Variants in TTC21A observed in about 807,000 individuals in gnomAD.
TTC21A encodes the protein tetratricopeptide repeat protein 21A.
Under a neutral mutation model 156.4 loss-of-function variants are expected in TTC21A, and 128 were observed. The ratio of observed to expected loss-of-function variants is 0.82; its 90% CI spans 0.71 to 0.95. The LOEUF is 0.95. Ranked by LOEUF, TTC21A falls within the 40% of genes least tolerant of loss-of-function variation. The pLI is 0.00. For missense variants in TTC21A, 1,435 were observed against 1,602.3 expected (o/e 0.90, Z 1.78); for synonymous variants, 587 against 617.1 (o/e 0.95, Z 0.72).
chr3:39,136,672 CAGGG>C, intron 23 of TTC21A, 165 bp downstream of exon 23: 2 of 1,008,740 alleles, frequency 2.0e-6, no homozygotes, highest in Non-Finnish European at 2.8e-6. Context: ...CTGTGGAAGT[CAGGG>C]AGAGCCTGCA....
chr3:39,136,021 G>T lies in TTC21A; in HGVS notation c.2945-336G>T, dbSNP rs1213038071. Among the ~76,000 whole-genome samples the T allele has an allele frequency of 2.0e-5, 3 of 150,466 alleles. No homozygotes were observed. The East Asian group carries it at 5.9e-4, about 30-fold the overall frequency. Reference sequence around the variant, plus strand: ...TGCAGTGAGCCGAGATCACGCCACTGCACTCCAGCCTGGGTGACAGGGCGA... The same window carrying T: ...TGCAGTGAGCCGAGATCACGCCACTTCACTCCAGCCTGGGTGACAGGGCGA... On this transcript the variant is annotated intron_variant, in intron 22 of 28. Coordinates refer to ENST00000683103, the MANE Select transcript of TTC21A (RefSeq NM_001366900.1).
intron 3 of TTC21A, among the ~76,000 whole-genome samples, chr3:39,110,526 T>A (rs1424902529): frequency 7.7e-6 from 1 of 129,396 alleles, no homozygotes; most frequent in East Asian, 2.0e-4. Context: ...GACTACTATT[T>A]CCCTACTCAC....
At chr3:39,120,510 C>T (rs1161044138) in intron 8 of TTC21A, among the ~76,000 whole-genome samples, 1 of 152,172 alleles carries the variant, frequency 6.6e-6, no homozygotes, top group African/African-American at 2.4e-5. Flanking sequence ...AGCCCCAAAG[C>T]AAGATTTACT....
rs199791048 is a variant in TTC21A, at chr3:39,121,178, C to G, written c.1082C>G (p.Ala361Gly). ...EAMKLDKDGM[A>G]GLTGIILCHI... ...ATGAAACTGGACAAGGATGGCATGGCTGGTTTGACAGGTATATGCAGGTGT... is the reference window on the plus strand; with the variant it reads ...ATGAAACTGGACAAGGATGGCATGGGTGGTTTGACAGGTATATGCAGGTGT... The change falls in exon 9 of 29, where the codon GCT becomes GGT. Residue 361 changes from alanine (A) to glycine (G), a missense_variant. Coordinates refer to ENST00000683103, the MANE Select transcript of TTC21A (RefSeq NM_001366900.1). 2 of 1,612,394 alleles carry G rather than the reference C, an allele frequency of 1.2e-6. No individual in the cohort carries two copies. Among genetic ancestry groups the G allele is most frequent in the African/African-American group, 2.7e-5 (2 of 74,912 alleles).
rs374763927 is a variant in TTC21A, at chr3:39,109,126, T to C, written c.69T>C (p.His23=). Residue 23 remains histidine (H), a synonymous_variant, in exon 2 of 29, where the codon CAT becomes CAC. Transcript: ENST00000683103. ...ATAGCCAGGAAAAGTACTTCCACCA[T>C]GTGCAGCAGGCTGCAGCTGTGGGCC... ...IYYSQEKYFH[H]VQQAAAVGLE... The C allele has an allele frequency of 8.7e-5, 141 of 1,614,146 alleles. 2 individuals are homozygous for C. The South Asian group carries it at 9.9e-4, about 11-fold the overall frequency.
At chr3:39,112,386 T>C in intron 4 of TTC21A, 72 bp from the exon 5 acceptor site, 1 of 1,551,288 alleles carries the variant, frequency 6.4e-7, no homozygotes, top group Middle Eastern at 1.7e-4. Context: ...TGGCAAAGTG[T>C]GGATCATGTG....
At chr3:39,129,379 T>C in intron 15 of TTC21A, 69 bp downstream of exon 15, 1 of 1,209,866 alleles carries the variant, frequency 8.3e-7, no homozygotes, top group Non-Finnish European at 1.2e-6. Context: ...TTCCTTCAGA[T>C]GGTATTTCTT....
In TTC21A at chr3:39,107,831, G is replaced by C; in HGVS notation, c.-7G>C. 2 of 1,612,694 alleles carry C rather than the reference G, an allele frequency of 1.2e-6. No individual in the cohort carries two copies. Among genetic ancestry groups the C allele is most frequent in the African/African-American group, 1.3e-5 (1 of 75,040 alleles). On this transcript the variant is annotated 5_prime_UTR_variant, in exon 1 of 29. Coordinates refer to ENST00000683103, the MANE Select transcript of TTC21A (RefSeq NM_001366900.1). ...AGACCCGGACTCGGAGCCGCGAGCG[G>C]CCCGAGATGAGCAGCAATGACTCCT...
At chr3:39,108,534 T>A (rs2036470426) in intron 1 of TTC21A, among the ~76,000 whole-genome samples, 1 of 152,166 alleles carries the variant, frequency 6.6e-6, no homozygotes. Context: ...GTGTCTGGGC[T>A]CTTTCATATG....
chr3:39,116,194 G>A (rs955696233), intron 6 of TTC21A, among the ~76,000 whole-genome samples: 3 of 152,262 alleles, frequency 2.0e-5, no homozygotes, highest in African/African-American at 4.8e-5. Flanking sequence ...GTGCCCCAGC[G>A]TGTTCCCTCA....
chr3:39,121,586 C>A (rs1292677440), intron 9 of TTC21A, among the ~76,000 whole-genome samples: 1 of 152,238 alleles, frequency 6.6e-6, no homozygotes, highest in Non-Finnish European at 1.5e-5. Flanking sequence ...TCCTTCAGGG[C>A]TCTGAGCTGA....
At chr3:39,126,474 C>T (rs1218336393) in intron 12 of TTC21A, 84 bp downstream of exon 12, 4 of 815,488 alleles carry the variant, frequency 4.9e-6, no homozygotes, top group South Asian at 1.5e-5. Context: ...GCCTAGGATA[C>T]TACACACACA....
chr3:39,133,704 C>T lies in TTC21A; in HGVS notation c.2751+464C>T, dbSNP rs142642063. Among the ~76,000 whole-genome samples, 53 of 152,208 alleles carry T rather than the reference C, an allele frequency of 3.5e-4. 1 individual carries two copies. The East Asian group carries it at 5.8e-3, about 17-fold the overall frequency. ...CACAGTAGATGAAGAGCTTAGTGAC[C>T]GATACATTCATTCATTTAATACTCA... On this transcript the variant is annotated intron_variant, in intron 20 of 28. Coordinates refer to ENST00000683103, the MANE Select transcript of TTC21A (RefSeq NM_001366900.1).
At chr3:39,129,627 G>A (rs1253360120) in intron 15 of TTC21A, among the ~76,000 whole-genome samples, 5 of 152,202 alleles carry the variant, frequency 3.3e-5, no homozygotes, top group Admixed American at 6.5e-5. Flanking sequence ...GTCTCTGTAT[G>A]ATTTTGCATT....
chr3:39,114,824 C>T, intron 6 of TTC21A, 82 bp downstream of exon 6: 1 of 1,534,920 alleles, frequency 6.5e-7, no homozygotes. Flanking sequence ...GAGAACAAGA[C>T]AGAAAGGTAA....
At chr3:39,117,968 G>T in intron 6 of TTC21A, 101 bp from the exon 7 acceptor site, 2 of 824,904 alleles carry the variant, frequency 2.4e-6, no homozygotes, top group East Asian at 2.4e-5. Flanking sequence ...TAAAAGAAGA[G>T]GGGAGAATGG....
rs1156639425 is a variant in TTC21A, at chr3:39,130,102, GC to G, written c.2164del (p.His722ThrfsTer10). The G allele has an allele frequency of 2.5e-6, 4 of 1,613,974 alleles. No individual in the cohort carries two copies. Among genetic ancestry groups the G allele is most frequent in the South Asian group, 1.1e-5 (1 of 91,050 alleles). ...AGTGAGCTCTGTGAACATCTGCCTG[GC>G]CCCCACACCAGCCTGCTACTGGGCG... is the stretch of plus-strand genomic sequence containing the variant. ...CYRELCEHLP[G>X]PHTSLLLGDA... On this transcript the variant is annotated frameshift_variant, in exon 16 of 29. Transcript: ENST00000683103. LOFTEE classifies it high-confidence loss of function. This position sits in a 1 kb window ranked among gnomAD's most constrained non-coding sequence, Gnocchi z 4.5.
chr3:39,138,169 C>A, intron 26 of TTC21A, 98 bp from the exon 27 acceptor site: 1 of 1,572,894 alleles, frequency 6.4e-7, no homozygotes, highest in South Asian at 1.2e-5. Context: ...TCACTTCTGT[C>A]CCTTGCCTGC....
In TTC21A at chr3:39,138,294, G is replaced by C. The variant is rs777877130; in HGVS notation, c.3703G>C (p.Gly1235Arg). The change falls in exon 27 of 29, where the codon GGC (glycine) becomes CGC (arginine). Residue 1235 changes from glycine (G) to arginine (R), a missense_variant. Coordinates refer to ENST00000683103, the MANE Select transcript of TTC21A (RefSeq NM_001366900.1). The stretch of plus-strand genomic sequence containing the variant: ...CTGCTACAAGGCCTATGAGTACATG[G>C]GCTTCATCATGGAGAAGGAGCAGTC... The part of the protein sequence containing the change: ...KSCYKAYEYM[G>R]FIMEKEQSYK... 29 of 1,614,048 alleles carry C rather than the reference G, an allele frequency of 1.8e-5. No homozygotes were observed. Among genetic ancestry groups the C allele is most frequent in the Non-Finnish European group, 2.4e-5 (28 of 1,180,026 alleles).
Sources: gnomAD v4.1 joint callset for allele counts (sites outside exome capture counted in the v4.1 genomes callset) on GRCh38, gnomAD v4.1.1 for gene constraint, Gnocchi (gnomAD v3.1) non-coding constraint, MANE v1.5 for transcripts, NCBI Gene and HGNC (gene_info 2026-07-23, HGNC 2026-07-21) for gene names.